CADM1: variants seen among roughly 807,000 people sequenced by gnomAD.
CADM1 encodes the protein cell adhesion molecule 1.
Under a neutral mutation model 53.1 loss-of-function variants are expected in CADM1, and 15 were observed. That is an observed-to-expected ratio of 0.28 (90% CI 0.19 to 0.44). The LOEUF (loss-of-function observed/expected upper bound fraction) is 0.44, where lower values mean the gene tolerates loss of function less well. CADM1 is among the 20% of genes least tolerant of loss of function. CADM1 has a pLI of 1.00. For synonymous variants in CADM1, 281 were observed against 243.0 expected, an observed-to-expected ratio of 1.16 and a Z score of -1.45; for missense variants, 434 against 611.3, an observed-to-expected ratio of 0.71 and a Z score of 3.06.
Position 115,171,843 on chromosome 11 carries a change from A to C in CADM1, c.*4631T>G, listed in dbSNP as rs534970351. 1 of 152,280 alleles carries C rather than the reference A, an allele frequency of 6.6e-6. No individual in the cohort carries two copies. Among genetic ancestry groups the C allele is most frequent in the South Asian group, 2.1e-4 (1 of 4,822 alleles). The allele number at this position is 152,280 out of a possible 1,614,324, so 9.4% of individuals were successfully genotyped here. A position where few individuals can be genotyped will look rare whatever the true frequency, so the allele number is the denominator to read the frequency against. ...AATGGTGAAGAGAAAAGGGTCATTA[A>C]ACCTTCTAAGTCGTGGTTTGCAAGG... On this transcript the variant is annotated 3_prime_UTR_variant, in exon 12 of 12. Transcript: ENST00000331581.
intron 1 of CADM1, among the ~76,000 whole-genome samples, chr11:115,309,367 T>C (rs1421359676): frequency 6.6e-6 from 1 of 152,114 alleles, no homozygotes; most frequent in Non-Finnish European, 1.5e-5. Flanking sequence ...GGCTTTTTAA[T>C]ATACAAGCCA....
intron 1 of CADM1, among the ~76,000 whole-genome samples, chr11:115,344,089 A>G (rs1229672088): frequency 0.023 from 2 of 86 alleles, no homozygotes; most frequent in Non-Finnish European, 0.037. Flanking sequence ...ACTATGCTCA[A>G]TTCACTTCTG....
chr11:115,285,254 C>T (rs1240615669), intron 1 of CADM1, among the ~76,000 whole-genome samples: 1 of 152,192 alleles, frequency 6.6e-6, no homozygotes, highest in East Asian at 1.9e-4. Context: ...GACACATTCA[C>T]ACTGAAAACA....
intron 1 of CADM1, among the ~76,000 whole-genome samples, chr11:115,463,152 G>T (rs1565440206): frequency 2.0e-5 from 3 of 152,068 alleles, no homozygotes; most frequent in Admixed American, 2.0e-4. Flanking sequence ...TATTTCTGGG[G>T]ACTCACCAAC....
intron 1 of CADM1, among the ~76,000 whole-genome samples, chr11:115,434,409 T>C (rs1387069555): frequency 6.6e-6 from 1 of 152,238 alleles, no homozygotes; most frequent in Admixed American, 6.5e-5. Flanking sequence ...CCAAGCTAAG[T>C]GCAGTTAATC....
chr11:115,394,787 T>C lies in CADM1; in HGVS notation c.124+109484A>G, dbSNP rs1247485919. Among the ~76,000 whole-genome samples the C allele has an allele frequency of 2.0e-5, 3 of 152,206 alleles. No individual in the cohort carries two copies. The East Asian group carries it at 5.8e-4, about 29-fold the overall frequency. ...TTGATTTCCCTACGAGCCACATGAC[T>C]TTGTTTTATAGTCTTGATGCAAAAT... On this transcript the variant is annotated intron_variant, in intron 1 of 11. Coordinates refer to ENST00000331581, the MANE Select transcript of CADM1 (RefSeq NM_001301043.2).
chr11:115,425,953 C>T (rs1257345259), intron 1 of CADM1, among the ~76,000 whole-genome samples: 1 of 152,130 alleles, frequency 6.6e-6, no homozygotes, highest in East Asian at 1.9e-4. Context: ...GCATCTAGGC[C>T]AAAGCGGGAA....
chr11:115,296,979 T>A (rs1944094909), intron 1 of CADM1, among the ~76,000 whole-genome samples: 1 of 152,230 alleles, frequency 6.6e-6, no homozygotes, highest in Non-Finnish European at 1.5e-5. Flanking sequence ...GCCAATTTTT[T>A]AAAACAAATC....
At chr11:115,373,097 G>A (rs1946348602) in intron 1 of CADM1, among the ~76,000 whole-genome samples, 1 of 152,202 alleles carries the variant, frequency 6.6e-6, no homozygotes, top group Non-Finnish European at 1.5e-5. Context: ...AGCAATGAGG[G>A]AGGATTCTCT....
intron 1 of CADM1, among the ~76,000 whole-genome samples, chr11:115,392,308 T>C (rs1946856469): frequency 6.6e-6 from 1 of 152,100 alleles, no homozygotes; most frequent in South Asian, 2.1e-4. Context: ...TCAATAAGTG[T>C]CTGTTAAATA....
At chr11:115,339,420 A>C (rs1030936095) in intron 1 of CADM1, among the ~76,000 whole-genome samples, 2 of 152,162 alleles carry the variant, frequency 1.3e-5, no homozygotes, top group African/African-American at 4.8e-5. Context: ...AAAATGTGGC[A>C]CATATACACC....
Position 115,190,509 on chromosome 11 carries a change from T to A in CADM1, c.1165+379A>T, listed in dbSNP as rs113210379. 3.1e-3 allele frequency: 534 copies of A among 170,026 alleles called. 2 individuals carry two copies. Among genetic ancestry groups the A allele is most frequent in the African/African-American group, 9.0e-3 (377 of 41,966 alleles). The allele number at this position is 170,026 out of a possible 1,614,324, so 10.5% of individuals were successfully genotyped here. Reference sequence around the variant, plus strand: ...TCAATGAGTTGCTTGTTTTTTTTTTTAAAAAAGATCTTGTCACATAATCCA... The same window carrying A: ...TCAATGAGTTGCTTGTTTTTTTTTTAAAAAAAGATCTTGTCACATAATCCA... On this transcript the variant is annotated intron_variant, in intron 10 of 11. Transcript: ENST00000331581.
At chr11:115,479,764 C>T (rs1420656817) in intron 1 of CADM1, among the ~76,000 whole-genome samples, 2 of 152,160 alleles carry the variant, frequency 1.3e-5, no homozygotes, top group African/African-American at 4.8e-5. Flanking sequence ...ATCACTCCTA[C>T]CAAATCTGTG....
rs937792998 is a variant in CADM1, at chr11:115,482,849, A to G, written c.124+21422T>C. On this transcript the variant is annotated intron_variant, in intron 1 of 11. Transcript: ENST00000331581. ...TAAAACGAATAGGACTACACATGAA[A>G]ATTTTGTTTTCAAAGAAAATACTCA... Among the ~76,000 whole-genome samples, 4 of 152,342 alleles carry G rather than the reference A, an allele frequency of 2.6e-5. 1 individual carries two copies. The highest frequency in any genetic ancestry group is 9.6e-5 in the African/African-American group (4 of 41,578).
At chr11:115,283,748 G>A (rs893717523) in intron 1 of CADM1, among the ~76,000 whole-genome samples, 11 of 152,174 alleles carry the variant, frequency 7.2e-5, no homozygotes, top group Admixed American at 1.3e-4. Flanking sequence ...AAGTGGGATC[G>A]GTGCAGAAGA....
chr11:115,239,565 C>T (rs541237427), intron 2 of CADM1, among the ~76,000 whole-genome samples: 1 of 152,214 alleles, frequency 6.6e-6, no homozygotes, highest in South Asian at 2.1e-4. Flanking sequence ...TTTATCTTTC[C>T]TCAACCTTTT....
chr11:115,221,601 C>G (rs1241549813), intron 5 of CADM1, among the ~76,000 whole-genome samples: 1 of 152,194 alleles, frequency 6.6e-6, no homozygotes, highest in East Asian at 1.9e-4. Flanking sequence ...CCAGTCTGAC[C>G]TTGCACCACA....
At chr11:115,359,731 TTTTAAA>T (rs1341764235) in intron 1 of CADM1, among the ~76,000 whole-genome samples, 1 of 152,190 alleles carries the variant, frequency 6.6e-6, no homozygotes, top group Non-Finnish European at 1.5e-5. Flanking sequence ...TTGTTGAATG[TTTTAAA>T]TTTATTTAGT....
At chr11:115,433,552 G>C (rs755568053) in intron 1 of CADM1, among the ~76,000 whole-genome samples, 1 of 152,150 alleles carries the variant, frequency 6.6e-6, no homozygotes, top group Non-Finnish European at 1.5e-5. Flanking sequence ...GGATGAAAAG[G>C]AGCCCAAGAA....
Sources: allele counts gnomAD v4.1 joint callset (sites outside exome capture counted in the v4.1 genomes callset), GRCh38; gene constraint gnomAD v4.1.1; transcripts MANE v1.5; gene names NCBI Gene and HGNC (gene_info 2026-07-23, HGNC 2026-07-21).